Variants in RIMBP2 observed in about 807,000 individuals in gnomAD.
The protein encoded by RIMBP2 is RIMS binding protein 2.
A neutral mutation model predicts 118.6 loss-of-function variants in RIMBP2; 48 were observed. The observed-to-expected ratio is 0.40, with a 90% CI of 0.32 to 0.51. RIMBP2 has a LOEUF of 0.51. Ranked by LOEUF, RIMBP2 falls within the 20% of genes least tolerant of loss-of-function variation. The probability of loss-of-function intolerance (pLI) is 0.41; values close to 1 mark genes in which losing one functional copy is unlikely to be tolerated. For missense variants in RIMBP2, 1,551 were observed against 1,768.3 expected (o/e 0.88, Z 2.20); for synonymous variants, 762 against 742.9 (o/e 1.03, Z -0.42).
Position 130,450,406 on chromosome 12 carries a change from C to A in RIMBP2, c.505-130G>T. 1.4e-5 allele frequency: 10 copies of A among 689,904 alleles called. No homozygotes were observed. The South Asian group carries it at 1.6e-4, about 11-fold the overall frequency. 42.7% of individuals were successfully genotyped at this position (689,904 alleles called of 1,614,324 possible). A position where few individuals can be genotyped will look rare whatever the true frequency, so the allele number is the denominator to read the frequency against. On this transcript the variant is annotated intron_variant, in intron 8 of 22. Coordinates refer to ENST00000690449, the MANE Select transcript of RIMBP2 (RefSeq NM_001393629.1). The surrounding 1 kb of genome is among the most constrained non-coding windows in gnomAD (Gnocchi z 4.8). ...GGACGGCCTGAGACTGTGGCACTCC[C>A]AGGAGGCACTGCCACCCGCACACCC... is the stretch of plus-strand genomic sequence containing the variant.
At chr12:130,404,029 C>T (rs1164727129) in intron 21 of RIMBP2, among the ~76,000 whole-genome samples, 1 of 152,094 alleles carries the variant, frequency 6.6e-6, no homozygotes, top group Admixed American at 6.6e-5. Context: ...TCACAGATTT[C>T]CTTATCTCTG....
chr12:130,631,827 C>T (rs1210334443), intron 1 of RIMBP2, among the ~76,000 whole-genome samples: 2 of 152,132 alleles, frequency 1.3e-5, no homozygotes, highest in South Asian at 4.1e-4. Context: ...TACCTTTATA[C>T]ACTTAATTTT....
chr12:130,626,161 T>A (rs892595067), intron 2 of RIMBP2, among the ~76,000 whole-genome samples: 1 of 152,220 alleles, frequency 6.6e-6, no homozygotes, highest in African/African-American at 2.4e-5. Flanking sequence ...GATTACCAAG[T>A]GTATATCCTA....
chr12:130,439,833 GTA>G (rs2077953501), intron 11 of RIMBP2, among the ~76,000 whole-genome samples: 2 of 146,140 alleles, frequency 1.4e-5, no homozygotes, highest in African/African-American at 5.2e-5. Flanking sequence ...GTGTGTGTGT[GTA>G]TGTGTATCTG....
At chr12:130,562,541 T>C (rs755943680) in intron 2 of RIMBP2, among the ~76,000 whole-genome samples, 2 of 152,208 alleles carry the variant, frequency 1.3e-5, no homozygotes, top group Admixed American at 6.5e-5. Context: ...ACAGGAGTAC[T>C]TCTGGAAGCT....
intron 4 of RIMBP2, among the ~76,000 whole-genome samples, chr12:130,498,215 C>G (rs1356656686): frequency 6.6e-6 from 1 of 151,212 alleles, no homozygotes; most frequent in Admixed American, 6.6e-5. Context: ...GAAGGCAGCA[C>G]TGACTCCAGG....
chr12:130,532,598 C>T (rs1230526142), intron 2 of RIMBP2, among the ~76,000 whole-genome samples: 1 of 143,814 alleles, frequency 7.0e-6, no homozygotes, highest in East Asian at 2.2e-4. Flanking sequence ...CTAGGAGTTA[C>T]GTCTAATGAG....
chr12:130,611,154 A>T (rs2060518729), intron 2 of RIMBP2, among the ~76,000 whole-genome samples: 1 of 152,210 alleles, frequency 6.6e-6, no homozygotes. Context: ...CAGGCCACTG[A>T]CATGGGCTCC....
At chr12:130,524,993 A>C (rs980588496) in intron 2 of RIMBP2, among the ~76,000 whole-genome samples, 2 of 152,162 alleles carry the variant, frequency 1.3e-5, no homozygotes, top group Admixed American at 1.3e-4. Flanking sequence ...TGCTCAGGGG[A>C]CAGGTCCCCA....
At chr12:130,591,649 C>A (rs1180575119) in intron 2 of RIMBP2, among the ~76,000 whole-genome samples, 1 of 152,176 alleles carries the variant, frequency 6.6e-6, no homozygotes, top group African/African-American at 2.4e-5. Flanking sequence ...TCCGCCCTGA[C>A]CCTCATGTGG....
intron 1 of RIMBP2, among the ~76,000 whole-genome samples, chr12:130,686,192 C>G (rs1344447789): frequency 6.6e-6 from 1 of 152,186 alleles, no homozygotes; most frequent in Non-Finnish European, 1.5e-5. Context: ...CCCTTCCTGC[C>G]GCCATAGGGA....
intron 19 of RIMBP2, among the ~76,000 whole-genome samples, chr12:130,411,207 GT>G (rs2075688224): frequency 6.6e-6 from 1 of 152,170 alleles, no homozygotes. Flanking sequence ...ATCCATTGAT[GT>G]TGCTACACTC....
chr12:130,470,767 A>G, intron 5 of RIMBP2, 24 bp from the exon 6 acceptor site: 1 of 1,222,660 alleles, frequency 8.2e-7, no homozygotes, highest in Non-Finnish European at 1.0e-6. Flanking sequence ...AAAAGAGAGA[A>G]AAGAGTAAAT....
At position 130,404,795 on chromosome 12, in the gene RIMBP2, T is replaced by C. The variant is rs185449743; in HGVS notation, c.3765+1377A>G. Among the ~76,000 whole-genome samples the C allele has an allele frequency of 1.1e-3, 172 of 152,236 alleles. 1 individual carries two copies. Among genetic ancestry groups the C allele is most frequent in the African/African-American group, 3.9e-3 (163 of 41,572 alleles). ...TAGGTTTGTTGTGGAGGTGGGACTC[T>C]TTACAAAATGTTCCCTCCCAAACAT... On this transcript the variant is annotated intron_variant, in intron 21 of 22. Transcript: ENST00000690449.
chr12:130,643,345 C>T (rs1328046957), intron 1 of RIMBP2, among the ~76,000 whole-genome samples: 1 of 152,148 alleles, frequency 6.6e-6, no homozygotes, highest in African/African-American at 2.4e-5. Flanking sequence ...AGAGGTGAGC[C>T]CCACAAGCGA....
In RIMBP2 at chr12:130,424,615, C is replaced by T; in HGVS notation, c.2656G>A (p.Val886Met). The T allele has an allele frequency of 1.6e-6, 2 of 1,231,948 alleles. No homozygotes were observed. The highest frequency in any genetic ancestry group is 2.0e-6 in the Non-Finnish European group (2 of 987,824). The allele number at this position is 1,231,948 out of a possible 1,614,324, so 76.3% of individuals were successfully genotyped here. The change falls in exon 16 of 23, where the codon GTG (valine) becomes ATG (methionine). Residue 886 changes from valine to methionine, a missense_variant. This residue lies in a region of RIMBP2 where 1,038 missense variants were observed against 1,125.1 expected (regional missense o/e 0.92). Coordinates refer to ENST00000690449, the MANE Select transcript of RIMBP2 (RefSeq NM_001393629.1). This position sits in a 1 kb window ranked among gnomAD's most constrained non-coding sequence, Gnocchi z 9.8. ...ACGGCCCCCGAGCCCCTGTGCTTCA[C>T]CGGGAACCAGGAGCCCCGAGGGGCC... The part of the protein sequence containing the change: ...DEAPRGSWFP[V>M]KHRGSGAVPH...
intron 1 of RIMBP2, among the ~76,000 whole-genome samples, chr12:130,687,200 A>G (rs2065093513): frequency 6.6e-6 from 1 of 152,232 alleles, no homozygotes; most frequent in Admixed American, 6.5e-5. Context: ...AAAGGGCAGG[A>G]TCGAGAGTGG....
At chr12:130,580,417 T>C (rs975236830) in intron 2 of RIMBP2, among the ~76,000 whole-genome samples, 35 of 152,152 alleles carry the variant, frequency 2.3e-4, no homozygotes, top group Non-Finnish European at 4.0e-4. Flanking sequence ...CAAGTGCTCT[T>C]GGCTGCCGCC....
chr12:130,407,657 T>G (rs1224379288), intron 20 of RIMBP2, 69 bp downstream of exon 20: 2 of 1,235,504 alleles, frequency 1.6e-6, no homozygotes, highest in Non-Finnish European at 2.4e-6. Context: ...GTGGCCTCAG[T>G]GTGGTGTACC....
Sources: allele counts gnomAD v4.1 joint callset (sites outside exome capture counted in the v4.1 genomes callset), GRCh38; gene constraint gnomAD v4.1.1; regional missense constraint gnomAD v4.1.1; non-coding constraint Gnocchi (gnomAD v3.1); transcripts MANE v1.5; gene names NCBI Gene and HGNC (gene_info 2026-07-23, HGNC 2026-07-21).